WDR82: variants seen among roughly 807,000 people sequenced by gnomAD.
The protein encoded by WDR82 is WD repeat-containing protein 82.
In WDR82, 8 loss-of-function variants were observed where a neutral mutation model predicts 36.1. That is an observed-to-expected ratio of 0.22 (90% CI 0.13 to 0.40). WDR82 has a LOEUF of 0.40. WDR82 is among the 10% of genes least tolerant of loss of function. The pLI, the probability that WDR82 is intolerant of heterozygous loss-of-function variation, is 1.00. For synonymous variants in WDR82, 129 were observed against 137.8 expected, an observed-to-expected ratio of 0.94 and a Z score of 0.45; for missense variants, 185 against 400.5, an observed-to-expected ratio of 0.46 and a Z score of 4.59.
intron 1 of WDR82, among the ~76,000 whole-genome samples, chr3:52,272,622 C>T (rs1011884426): frequency 3.3e-5 from 5 of 151,994 alleles, no homozygotes; most frequent in East Asian, 1.9e-4. Flanking sequence ...AAATAACTCT[C>T]CAATACGATC....
At chr3:52,262,312 T>C (rs796352109) in intron 3 of WDR82, among the ~76,000 whole-genome samples, 104 of 152,330 alleles carry the variant, frequency 6.8e-4, no homozygotes, top group African/African-American at 2.4e-3. Flanking sequence ...TGAAGTTAGA[T>C]GATGGTGATA....
At position 52,274,867 on chromosome 3, in the gene WDR82, C is replaced by T. The variant is rs1700188778; in HGVS notation, c.161+3334G>A. On this transcript the variant is annotated intron_variant, in intron 1 of 8. Transcript: ENST00000296490. ...GCAGTGAGCCAAGATTACGCCACTG[C>T]ACTCCAGCCTAGGAAAGAGTGAGGC... Among the ~76,000 whole-genome samples, 3 of 151,914 alleles carry T rather than the reference C, an allele frequency of 2.0e-5. 1 individual carries two copies. The highest frequency in any genetic ancestry group is 4.2e-4 in the South Asian group (2 of 4,814).
rs376680476 is a variant in WDR82 at position 52,260,454 on chromosome 3, T to C, written c.474A>G (p.Glu158=). Residue 158 remains glutamate (E), a synonymous_variant, in exon 5 of 9, where the codon GAA becomes GAG. Coordinates refer to ENST00000296490, the MANE Select transcript of WDR82 (RefSeq NM_025222.4). ...TGACACCTGCAGCGAAAATTAACCC[T>C]TCTGGATCAAAAGAACAAACTGGCT... ...QGKPVCSFDP[E]GLIFAAGVNS... is the part of the protein sequence containing the mutation. 1 of 1,591,914 alleles carries C rather than the reference T, an allele frequency of 6.3e-7. No homozygotes were observed. Among genetic ancestry groups the C allele is most frequent in the Non-Finnish European group, 8.5e-7 (1 of 1,172,418 alleles).
intron 6 of WDR82, 92 bp downstream of exon 6, chr3:52,259,625 G>T: frequency 2.1e-6 from 3 of 1,443,768 alleles, no homozygotes; most frequent in Non-Finnish European, 2.8e-6. Flanking sequence ...TAAGTCAAGA[G>T]TAACTGTTGG....
At chr3:52,268,565 G>C (rs1410703309) in intron 2 of WDR82, among the ~76,000 whole-genome samples, 1 of 152,122 alleles carries the variant, frequency 6.6e-6, no homozygotes, top group Non-Finnish European at 1.5e-5. Context: ...TCATTCGGAT[G>C]ATCACATAGA....
chr3:52,262,352 C>A (rs1202330374), intron 3 of WDR82, among the ~76,000 whole-genome samples: 1 of 152,176 alleles, frequency 6.6e-6, no homozygotes, highest in African/African-American at 2.4e-5. Flanking sequence ...ATAGTAAAAA[C>A]CACTGAACTG....
intron 2 of WDR82, among the ~76,000 whole-genome samples, chr3:52,269,856 A>G (rs749147789): frequency 5.9e-5 from 9 of 152,258 alleles, no homozygotes; most frequent in Admixed American, 2.0e-4. Context: ...ATCTCGAGAC[A>G]TGCAGGCAAA....
rs1269598656 is a variant in WDR82, at chr3:52,258,691, T to C, written c.770-13A>G. 6.2e-7 allele frequency: 1 copy of C among 1,614,072 alleles called. No individual in the cohort carries two copies. Among genetic ancestry groups the C allele is most frequent in the African/African-American group, 1.3e-5 (1 of 74,938 alleles). ...CCATCCTCTGAACCTAAAGAGGATA[T>C]TCACGGAAAATGTAACAGCTCAAGG... On this transcript the variant is annotated splice_polypyrimidine_tract_variant and intron_variant, in intron 7 of 8. Transcript: ENST00000296490.
chr3:52,265,939 G>A lies in WDR82; in HGVS notation c.326+1013C>T, dbSNP rs953793306. 5.9e-5 allele frequency among the ~76,000 whole-genome samples: 9 copies of A among 152,032 alleles called. 1 individual carries two copies. The South Asian group carries it at 6.2e-4, about 11-fold the overall frequency. On this transcript the variant is annotated intron_variant, in intron 3 of 8. Transcript: ENST00000296490. Reference sequence around the variant, plus strand: ...CTCCTGTCAGGGCTCCATACCAATCGAAACCATCCTGGGTTACTGTACATT... The same window carrying A: ...CTCCTGTCAGGGCTCCATACCAATCAAAACCATCCTGGGTTACTGTACATT...
rs2107346848 is a variant in WDR82, at chr3:52,278,590, C to G, written c.-229G>C. 1 of 407,868 alleles carries G rather than the reference C, an allele frequency of 2.5e-6. No individual in the cohort carries two copies. Among genetic ancestry groups the G allele is most frequent in the East Asian group, 3.6e-5 (1 of 28,032 alleles). 25.3% of individuals were successfully genotyped at this position (407,868 alleles called of 1,614,324 possible). On this transcript the variant is annotated 5_prime_UTR_variant, in exon 1 of 9. Transcript: ENST00000296490. ...TTCGTCCTCACAGCCACCTCACGGA[C>G]AACCGGCGCGTCGCCGGCTCATTGT...
Position 52,278,384 on chromosome 3 carries a change from G to A in WDR82, c.-23C>T, listed in dbSNP as rs556179770. The stretch of plus-strand genomic sequence containing the variant: ...CATGGCGGCGGCTGGGGAAGGCAGC[G>A]GCGGCGCAGGGCCGGGGCGGGGCCC... On this transcript the variant is annotated 5_prime_UTR_variant, in exon 1 of 9. Coordinates refer to ENST00000296490, the MANE Select transcript of WDR82 (RefSeq NM_025222.4). 4.8e-6 allele frequency: 7 copies of A among 1,472,262 alleles called. No individual in the cohort carries two copies. Among genetic ancestry groups the A allele is most frequent in the African/African-American group, 1.5e-5 (1 of 68,544 alleles). 91.2% of individuals were successfully genotyped at this position (1,472,262 alleles called of 1,614,324 possible). A position where few individuals can be genotyped will look rare whatever the true frequency, so the allele number is the denominator to read the frequency against.
chr3:52,264,381 C>A (rs750613296), intron 3 of WDR82, among the ~76,000 whole-genome samples: 1 of 152,128 alleles, frequency 6.6e-6, no homozygotes, highest in East Asian at 1.9e-4. Context: ...TCACCTGCCA[C>A]GGGAAAGTAA....
rs958120614 is a variant in WDR82, at chr3:52,257,280, G to C, written c.*210C>G. ...CAGTTAGAAAAGCTGAGTTCCAATT[G>C]AGTCTGTTGCACCAAGAGTCCTTTT... On this transcript the variant is annotated 3_prime_UTR_variant, in exon 9 of 9. Coordinates refer to ENST00000296490, the MANE Select transcript of WDR82 (RefSeq NM_025222.4). 1 of 629,592 alleles carries C rather than the reference G, an allele frequency of 1.6e-6. No homozygotes were observed. Among genetic ancestry groups the C allele is most frequent in the Admixed American group, 3.0e-5 (1 of 33,828 alleles). The allele number at this position is 629,592 out of a possible 1,614,324, so 39.0% of individuals were successfully genotyped here. A position where few individuals can be genotyped will look rare whatever the true frequency, so the allele number is the denominator to read the frequency against.
At chr3:52,263,729 T>A (rs956696184) in intron 3 of WDR82, among the ~76,000 whole-genome samples, 1 of 152,068 alleles carries the variant, frequency 6.6e-6, no homozygotes, top group Non-Finnish European at 1.5e-5. Context: ...TGAGCCAGAA[T>A]TGGAAGAGAC....
At chr3:52,275,995 T>A (rs1422769441) in intron 1 of WDR82, among the ~76,000 whole-genome samples, 1 of 152,218 alleles carries the variant, frequency 6.6e-6, no homozygotes, top group East Asian at 1.9e-4. Context: ...CCTACAGTCA[T>A]GAAGCAAATG....
At position 52,254,452 on chromosome 3, in the gene WDR82, C is replaced by T. The variant is rs933623003; in HGVS notation, c.*3038G>A. 4 of 152,532 alleles carry T rather than the reference C, an allele frequency of 2.6e-5. No homozygotes were observed. The highest frequency in any genetic ancestry group is 7.2e-5 in the African/African-American group (3 of 41,428). The allele number at this position is 152,532 out of a possible 1,614,324, so 9.4% of individuals were successfully genotyped here. ...CATAAAATTCTGTTTAAGACTGTAA[C>T]ATGGAAAAAATGTTTATACGTTAAG... On this transcript the variant is annotated 3_prime_UTR_variant, in exon 9 of 9. Coordinates refer to ENST00000296490, the MANE Select transcript of WDR82 (RefSeq NM_025222.4).
rs763684338 is a variant in WDR82 at position 52,273,047 on chromosome 3, T to A, written c.162-2238A>T. Among the ~76,000 whole-genome samples the A allele has an allele frequency of 5.7e-4, 87 of 152,216 alleles. 3 individuals are homozygous for A. Among genetic ancestry groups the A allele is most frequent in the Non-Finnish European group, 3.1e-4 (21 of 68,030 alleles). On this transcript the variant is annotated intron_variant, in intron 1 of 8. Transcript: ENST00000296490. ...GTGGTAACCAGTGAGGCAGTCTCAG[T>A]GTGTGGCTGTATACTTACTCTCTAC...
rs536242212 is a variant in WDR82 at position 52,277,820 on chromosome 3, A to G, written c.161+381T>C. Among the ~76,000 whole-genome samples the G allele has an allele frequency of 2.9e-3, 446 of 152,334 alleles. 5 individuals carry two copies. The highest frequency in any genetic ancestry group is 4.1e-3 in the Non-Finnish European group (280 of 68,032). On this transcript the variant is annotated intron_variant, in intron 1 of 8. Coordinates refer to ENST00000296490, the MANE Select transcript of WDR82 (RefSeq NM_025222.4). The stretch of plus-strand genomic sequence containing the variant: ...AAGGAGGCAGAAAAGCAGCCCCTGC[A>G]GTCCTGCGTCGAGGCCGGAGCAGAC...
At chr3:52,273,874 G>A (rs915849284) in intron 1 of WDR82, among the ~76,000 whole-genome samples, 6 of 152,052 alleles carry the variant, frequency 3.9e-5, no homozygotes, top group African/African-American at 9.7e-5. Context: ...CACCCGCCTC[G>A]GCCTCCCAAA....
Sources: allele counts gnomAD v4.1 joint callset (sites outside exome capture counted in the v4.1 genomes callset), GRCh38; gene constraint gnomAD v4.1.1; transcripts MANE v1.5; gene names NCBI Gene and HGNC (gene_info 2026-07-23, HGNC 2026-07-21).